NKAIN2: variants seen among roughly 807,000 people sequenced by gnomAD.
NKAIN2 encodes sodium/potassium transporting ATPase interacting 2, also known as sodium/potassium-transporting ATPase subunit beta-1-interacting protein 2.
Under a neutral mutation model 32.6 loss-of-function variants are expected in NKAIN2, and 14 were observed. That is an observed-to-expected ratio of 0.43 (90% confidence interval 0.28 to 0.67). The LOEUF is 0.67. Among genes scored for constraint, NKAIN2 ranks in the 30% least tolerant of loss-of-function variants. The probability of loss-of-function intolerance (pLI) is 0.17; values close to 1 mark genes in which losing one functional copy is unlikely to be tolerated. For synonymous variants in NKAIN2, 80 were observed against 87.2 expected (o/e 0.92, Z 0.46); for missense variants, 198 against 258.3 (o/e 0.77, Z 1.60).
intron 3 of NKAIN2, among the ~76,000 whole-genome samples, chr6:124,360,541 C>G (rs1017028820): frequency 1.1e-4 from 16 of 151,922 alleles, no homozygotes; most frequent in Admixed American, 3.3e-4. Context: ...CTATGAAAAT[C>G]CAACATTATT....
chr6:124,068,713 T>G (rs1423933134), intron 1 of NKAIN2, among the ~76,000 whole-genome samples: 1 of 151,976 alleles, frequency 6.6e-6, no homozygotes, highest in Non-Finnish European at 1.5e-5. Flanking sequence ...TCTACTGCCC[T>G]CTGAGCTTCT....
intron 1 of NKAIN2, among the ~76,000 whole-genome samples, chr6:124,208,251 G>A (rs1790993477): frequency 1.3e-5 from 2 of 151,988 alleles, no homozygotes; most frequent in South Asian, 4.1e-4. Flanking sequence ...ATACTTCAAA[G>A]AGTAGTTGTG....
At chr6:124,051,444 C>CT (rs777557193) in intron 1 of NKAIN2, among the ~76,000 whole-genome samples, 1 of 151,756 alleles carries the variant, frequency 6.6e-6, no homozygotes, top group Non-Finnish European at 1.5e-5. Context: ...TTAAATTATA[C>CT]TTTAAGTTTT....
chr6:124,229,533 TAGACAGACAGAC>T (rs71021483), intron 1 of NKAIN2, among the ~76,000 whole-genome samples: 16 of 149,170 alleles, frequency 1.1e-4, no homozygotes, highest in African/African-American at 3.5e-4. Flanking sequence ...GATAGATAGA[TAGACAGACAGAC>T]AGACAGACAG....
At chr6:124,564,710 G>C (rs1019368255) in intron 3 of NKAIN2, among the ~76,000 whole-genome samples, 3 of 152,200 alleles carry the variant, frequency 2.0e-5, no homozygotes, top group Admixed American at 2.0e-4. Context: ...AGAAGAACAG[G>C]CTGCAGGGCA....
intron 1 of NKAIN2, among the ~76,000 whole-genome samples, chr6:123,835,330 G>A (rs1395904270): frequency 1.3e-5 from 2 of 152,052 alleles, no homozygotes; most frequent in African/African-American, 2.4e-5. Flanking sequence ...TTCTGTGTGC[G>A]TTCTTGTTTT....
chr6:124,634,100 A>G (rs1399667313), intron 3 of NKAIN2, among the ~76,000 whole-genome samples: 1 of 151,858 alleles, frequency 6.6e-6, no homozygotes, highest in Admixed American at 6.6e-5. Flanking sequence ...ACAGGGGAAA[A>G]AAAAAAAATT....
chr6:123,931,837 C>G (rs1384176171), intron 1 of NKAIN2, among the ~76,000 whole-genome samples: 2 of 152,112 alleles, frequency 1.3e-5, no homozygotes, highest in East Asian at 1.9e-4. Flanking sequence ...TCTGCCCAAC[C>G]AATGCACATC....
chr6:124,697,948 T>C (rs1774581986), intron 4 of NKAIN2, among the ~76,000 whole-genome samples: 1 of 152,130 alleles, frequency 6.6e-6, no homozygotes. Context: ...TCAGAAGTCT[T>C]AGTTTGATGG....
At chr6:124,507,947 C>G (rs1218935951) in intron 3 of NKAIN2, among the ~76,000 whole-genome samples, 1 of 152,078 alleles carries the variant, frequency 6.6e-6, no homozygotes, top group Admixed American at 6.5e-5. Context: ...CACATACTAA[C>G]AAACAGGTAA....
chr6:124,740,851 A>G (rs1777174968), intron 4 of NKAIN2, among the ~76,000 whole-genome samples: 1 of 151,926 alleles, frequency 6.6e-6, no homozygotes, highest in Non-Finnish European at 1.5e-5. Flanking sequence ...ATTATATATT[A>G]GGAAAAGTTT....
At chr6:123,832,570 T>C (rs993071384) in intron 1 of NKAIN2, among the ~76,000 whole-genome samples, 1 of 152,242 alleles carries the variant, frequency 6.6e-6, no homozygotes, top group Non-Finnish European at 1.5e-5. Context: ...AAAGTGGCTG[T>C]ACCGTTTCGC....
At chr6:123,818,354 A>AACAC (rs36066775) in intron 1 of NKAIN2, among the ~76,000 whole-genome samples, 1,667 of 144,582 alleles carry the variant, frequency 0.012, 7 homozygotes, top group South Asian at 0.014. Flanking sequence ...TTCTTGTGGA[A>AACAC]ACACACACAC....
intron 2 of NKAIN2, among the ~76,000 whole-genome samples, chr6:124,339,787 C>T (rs886351186): frequency 2.0e-5 from 3 of 152,080 alleles, no homozygotes; most frequent in African/African-American, 2.4e-5. Flanking sequence ...TGAATATCTT[C>T]GAGAGAGCCA....
At chr6:124,394,507 ATT>A (rs1773288008) in intron 3 of NKAIN2, among the ~76,000 whole-genome samples, 2 of 120,826 alleles carry the variant, frequency 1.7e-5, no homozygotes, top group Non-Finnish European at 3.8e-5. Flanking sequence ...AGATAGATAG[ATT>A]AGATAGATAC....
Position 124,131,298 on chromosome 6 carries a change from C to G in NKAIN2, c.55-151707C>G, listed in dbSNP as rs139060785. Among the ~76,000 whole-genome samples, 150 of 152,192 alleles carry G rather than the reference C, an allele frequency of 9.9e-4. 4 individuals are homozygous for G. The East Asian group carries it at 0.025, about 25-fold the overall frequency. On this transcript the variant is annotated intron_variant, in intron 1 of 6. Transcript: ENST00000368417. ...TAGCTAAGACTATAGGTGCATGCCG[C>G]CACGTCTGGCTATTTTTTGTATTGA... is the stretch of plus-strand genomic sequence containing the variant.
intron 1 of NKAIN2, among the ~76,000 whole-genome samples, chr6:124,071,035 T>C (rs1331488327): frequency 3.3e-5 from 5 of 152,192 alleles, no homozygotes; most frequent in African/African-American, 1.2e-4. Context: ...AGTCATGCTC[T>C]GGACAAAGAC....
At chr6:124,295,744 T>C (rs1175866514) in intron 2 of NKAIN2, among the ~76,000 whole-genome samples, 1 of 152,134 alleles carries the variant, frequency 6.6e-6, no homozygotes, top group African/African-American at 2.4e-5. Flanking sequence ...TCAAAACAAT[T>C]CTCAGGGCAC....
intron 4 of NKAIN2, among the ~76,000 whole-genome samples, chr6:124,744,327 G>A (rs1461363908): frequency 6.6e-6 from 1 of 151,716 alleles, no homozygotes; most frequent in Non-Finnish European, 1.5e-5. Flanking sequence ...AAAGGAAGAT[G>A]GATTTAGTTT....
Sources: gnomAD v4.1 joint callset for allele counts (sites outside exome capture counted in the v4.1 genomes callset) on GRCh38, gnomAD v4.1.1 for gene constraint, MANE v1.5 for transcripts, NCBI Gene and HGNC (gene_info 2026-07-23, HGNC 2026-07-21) for gene names.